Variants in STK11IP observed in about 807,000 individuals in gnomAD.
STK11IP encodes serine/threonine kinase 11 interacting protein, also known as serine/threonine-protein kinase 11-interacting protein.
A neutral mutation model predicts 131.7 loss-of-function variants in STK11IP; 103 were observed. The observed-to-expected ratio is 0.78, with a 90% CI of 0.67 to 0.92. The LOEUF (loss-of-function observed/expected upper bound fraction) is 0.92, where lower values mean the gene tolerates loss of function less well. STK11IP is among the 40% of genes least tolerant of loss of function. The pLI is 0.00. For missense variants in STK11IP, 1,315 were observed against 1,385.7 expected (o/e 0.95, Z 0.81); for synonymous variants, 557 against 575.6 (o/e 0.97, Z 0.46).
Position 219,609,604 on chromosome 2 carries a change from G to A in STK11IP, c.2104+64G>A, listed in dbSNP as rs754452488. 1.9e-6 allele frequency: 3 copies of A among 1,538,568 alleles called. No homozygotes were observed. The highest frequency in any genetic ancestry group is 1.4e-5 in the African/African-American group (1 of 72,942). ...CCCCTGTTCCAGGGAAAGTGGCTCT[G>A]TGTAGGGGAGTGTGAAGGGGGAGCC... On this transcript the variant is annotated intron_variant, in intron 17 of 24. Coordinates refer to ENST00000456909, the MANE Select transcript of STK11IP (RefSeq NM_052902.4).
chr2:219,598,008 C>T (rs1347539903), intron 1 of STK11IP, 85 bp downstream of exon 1: 18 of 1,581,714 alleles, frequency 1.1e-5, no homozygotes, highest in African/African-American at 1.1e-4. Context: ...TTTTTCTCCG[C>T]ATGACGCCTC....
chr2:219,600,041 GTTTTTTTTTTTGTTTTTGTTTT>G (rs1697930764), intron 2 of STK11IP, among the ~76,000 whole-genome samples: 2 of 91,932 alleles, frequency 2.2e-5, no homozygotes. Context: ...TGCCCTTTGT[GTTTTTTTTTTTGTTTTTGTTTT>G]TTTTTTTTTT....
At chr2:219,604,563 T>C (rs1037829595) in intron 7 of STK11IP, among the ~76,000 whole-genome samples, 1 of 152,206 alleles carries the variant, frequency 6.6e-6, no homozygotes, top group Non-Finnish European at 1.5e-5. Flanking sequence ...ATGGGGGACA[T>C]TTCTATGGAA....
In STK11IP at chr2:219,609,483, G is replaced by A; in HGVS notation, c.2047G>A (p.Glu683Lys). 11 of 1,603,930 alleles carry A rather than the reference G, an allele frequency of 6.9e-6. No homozygotes were observed. The highest frequency in any genetic ancestry group is 9.4e-6 in the Non-Finnish European group (11 of 1,175,238). Residue 683 changes from glutamate to lysine, a missense_variant, in exon 17 of 25, where the codon GAG (glutamate) becomes AAG (lysine). Coordinates refer to ENST00000456909, the MANE Select transcript of STK11IP (RefSeq NM_052902.4). ...LRCGHEFKPE[E>K]PRMGLDSEEG... ...CTGTGGCCATGAGTTCAAGCCAGAG[G>A]AGCCCAGGATGGGATTAGACAGTGA... is the stretch of plus-strand genomic sequence containing the variant.
chr2:219,613,036 C>T (rs541657705), intron 19 of STK11IP, 92 bp from the exon 20 acceptor site: 38 of 969,920 alleles, frequency 3.9e-5, no homozygotes, highest in East Asian at 2.9e-4. Flanking sequence ...AGGGTCAGGC[C>T]GAGGGTGCTG....
At chr2:219,606,916 G>A in intron 12 of STK11IP, 58 bp downstream of exon 12, 2 of 1,585,884 alleles carry the variant, frequency 1.3e-6, no homozygotes, top group Non-Finnish European at 1.7e-6. Context: ...CGGGGACTCT[G>A]GGCTACAGTG....
Position 219,608,437 on chromosome 2 carries a change from C to A in STK11IP, c.1603+7C>A, listed in dbSNP as rs1429521528. ...GACCAGAAGGAAGTGGAAGGTGAGC[C>A]CTTTGTGGGCTGGGGCGAGCTGAGG... is the stretch of plus-strand genomic sequence containing the variant. On this transcript the variant is annotated splice_region_variant and intron_variant, in intron 14 of 24. Transcript: ENST00000456909. The A allele has an allele frequency of 6.4e-7, 1 of 1,550,392 alleles. No homozygotes were observed. The highest frequency in any genetic ancestry group is 2.0e-5 in the Admixed American group (1 of 51,248).
chr2:219,603,504 T>C (rs965819856), intron 7 of STK11IP, among the ~76,000 whole-genome samples: 1 of 151,770 alleles, frequency 6.6e-6, no homozygotes, highest in African/African-American at 2.4e-5. Context: ...CTAGTTAAAG[T>C]GGTAAGGACA....
At chr2:219,608,530 A>G (rs1698279337) in intron 14 of STK11IP, 53 bp from the exon 15 acceptor site, 10 of 1,545,948 alleles carry the variant, frequency 6.5e-6, no homozygotes, top group Non-Finnish European at 7.9e-6. Context: ...GGGGGAGGGC[A>G]GAGTGTGGGT....
At position 219,614,235 on chromosome 2, in the gene STK11IP, C is replaced by T. The variant is rs549417233; in HGVS notation, c.2791C>T (p.Arg931Trp). 3.2e-5 allele frequency: 52 copies of T among 1,613,336 alleles called. No individual in the cohort carries two copies. The highest frequency in any genetic ancestry group is 2.5e-4 in the South Asian group (23 of 91,084). ...AGAGGAGGAGGTCACCCCCCAGCACCGGCTCTGGTGAGTCGATAGGAGGCA... is the reference window on the plus strand; with the variant it reads ...AGAGGAGGAGGTCACCCCCCAGCACTGGCTCTGGTGAGTCGATAGGAGGCA... Reference protein sequence around the residue: ...ATEEEVTPQHRLWPLLEKDSS... With the variant: ...ATEEEVTPQHWLWPLLEKDSS... The change falls in exon 22 of 25, where the codon CGG becomes TGG. Residue 931 changes from arginine (R) to tryptophan (W), a missense_variant. By Grantham distance (101) the Arg-to-Trp change is moderately radical (BLOSUM62 -3). Coordinates refer to ENST00000456909, the MANE Select transcript of STK11IP (RefSeq NM_052902.4).
At chr2:219,615,756 T>C (rs1698552172) in intron 24 of STK11IP, 1 of 665,716 alleles carries the variant, frequency 1.5e-6, no homozygotes, top group African/African-American at 1.8e-5. Context: ...CAGTCCAAAG[T>C]GGTGGAGCCG....
intron 13 of STK11IP, 53 bp downstream of exon 13, chr2:219,607,190 A>T: frequency 6.4e-7 from 1 of 1,554,520 alleles, no homozygotes; most frequent in Non-Finnish European, 8.9e-7. Flanking sequence ...GCTCACTCTA[A>T]TTTTTAAGTT....
chr2:219,608,088 A>G lies in STK11IP; in HGVS notation c.1261A>G (p.Ser421Gly), dbSNP rs755119069. 4 of 1,612,802 alleles carry G rather than the reference A, an allele frequency of 2.5e-6. No individual in the cohort carries two copies. In the East Asian group the frequency reaches 8.9e-5, roughly 36 times the overall value. The part of the protein sequence containing the change: ...QQHPELELMS[S>G]FRERFGRNWL... Reference sequence around the variant, plus strand: ...GCACCCGGAGCTGGAGCTCATGAGCAGCTTCCGGGAACGGTTCGGCCGCAA... The same window carrying G: ...GCACCCGGAGCTGGAGCTCATGAGCGGCTTCCGGGAACGGTTCGGCCGCAA... The change falls in exon 14 of 25, where the codon AGC (serine) becomes GGC (glycine). Residue 421 changes from serine (S) to glycine (G), a missense_variant. Transcript: ENST00000456909.
chr2:219,603,853 A>G (rs1055154320), intron 7 of STK11IP, among the ~76,000 whole-genome samples: 5 of 152,158 alleles, frequency 3.3e-5, no homozygotes, highest in Admixed American at 1.3e-4. Flanking sequence ...GTGATAAACT[A>G]TTGCAGCGGG....
In STK11IP at chr2:219,615,217, A is replaced by T. The variant is rs776425161; in HGVS notation, c.2993A>T (p.Lys998Met). The T allele has an allele frequency of 6.3e-7, 1 of 1,596,326 alleles. No homozygotes were observed. Among genetic ancestry groups the T allele is most frequent in the Non-Finnish European group, 8.5e-7 (1 of 1,175,274 alleles). ...PPAASGEASE[K>M]VPPSGPGPAV... ...GCAGCATCTGGCGAAGCCTCTGAGA[A>T]GGTGCCTCCCTCGGGGCCGGGCCCT... The change falls in exon 24 of 25, where the codon AAG becomes ATG. Residue 998 changes from lysine to methionine, a missense_variant. Coordinates refer to ENST00000456909, the MANE Select transcript of STK11IP (RefSeq NM_052902.4).
At position 219,609,273 on chromosome 2, in the gene STK11IP, G is replaced by A. The variant is rs935138537; in HGVS notation, c.1926+60G>A. 2.5e-6 allele frequency: 4 copies of A among 1,575,424 alleles called. No homozygotes were observed. In the African/African-American group the frequency reaches 5.4e-5, roughly 21 times the overall value. On this transcript the variant is annotated intron_variant, in intron 16 of 24. Transcript: ENST00000456909. ...TGGGGATTAAGAGAGCCAGAGGGAA[G>A]TGGCAGCAGGCCTGAGGGCCGGGGG...
At position 219,613,859 on chromosome 2, in the gene STK11IP, C is replaced by A; in HGVS notation, c.2645C>A (p.Ala882Asp). Residue 882 changes from alanine (A) to aspartate (D), a missense_variant, in exon 21 of 25, where the codon GCT becomes GAT. Physicochemically the swap from Ala to Asp is moderately radical, Grantham distance 126. Coordinates refer to ENST00000456909, the MANE Select transcript of STK11IP (RefSeq NM_052902.4). ...AGQSLRLEWA[A>D]GAGRCVLLPR... The stretch of plus-strand genomic sequence containing the variant: ...CAGAGCCTGCGGCTAGAGTGGGCAG[C>A]TGGGGCGGGCCGCTGTGTGCTGCTG... The A allele has an allele frequency of 6.2e-7, 1 of 1,607,948 alleles. No homozygotes were observed. The highest frequency in any genetic ancestry group is 8.5e-7 in the Non-Finnish European group (1 of 1,177,168).
Position 219,614,511 on chromosome 2 carries a change from G to A in STK11IP, c.2834G>A (p.Arg945His), listed in dbSNP as rs185984035. 28 of 1,613,800 alleles carry A rather than the reference G, an allele frequency of 1.7e-5. No homozygotes were observed. The highest frequency in any genetic ancestry group is 2.0e-5 in the Non-Finnish European group (24 of 1,179,878). Residue 945 changes from arginine to histidine, a missense_variant, in exon 23 of 25, where the codon CGC becomes CAC. Arg to His is a conservative substitution (Grantham distance 29). Transcript: ENST00000456909. ...LLEKDSSLEA[R>H]QFFYLRAFLV... is the part of the protein sequence containing the mutation. ...GAAAAAGACTCATCCTTGGAGGCTC[G>A]CCAGTTCTTCTACCTTCGGGCGTTC...
chr2:219,601,000 T>C (rs952296952), intron 2 of STK11IP, among the ~76,000 whole-genome samples: 2 of 152,116 alleles, frequency 1.3e-5, no homozygotes, highest in African/African-American at 2.4e-5. Context: ...AAGAGTTGGT[T>C]GGAGTTGTGT....
Sources: gnomAD v4.1 joint callset for allele counts (sites outside exome capture counted in the v4.1 genomes callset) on GRCh38, gnomAD v4.1.1 for gene constraint, MANE v1.5 for transcripts, NCBI Gene and HGNC (gene_info 2026-07-23, HGNC 2026-07-21) for gene names.